The following SPATA31E1 variants were observed in gnomAD, a reference collection of about 807,000 sequenced individuals.
SPATA31E1 encodes spermatogenesis-associated protein 31E1.
In SPATA31E1, 7 loss-of-function variants were observed where a neutral mutation model predicts 12.9. The ratio of observed to expected loss-of-function variants is 0.54; its 90% CI spans 0.31 to 1.02. SPATA31E1 has a LOEUF of 1.02. SPATA31E1 is among the 50% of genes least tolerant of loss of function. The pLI is 0.05. For missense variants in SPATA31E1, 1,961 were observed against 1,799.8 expected, an observed-to-expected ratio of 1.09 and a Z score of -1.62; for synonymous variants, 771 against 719.0, an observed-to-expected ratio of 1.07 and a Z score of -1.16.
At position 87,884,982 on chromosome 9, in the gene SPATA31E1, G is replaced by A. The variant is rs748787461; in HGVS notation, c.495G>A (p.Val165=). The change falls in exon 4 of 4, where the codon GTG becomes GTA. Residue 165 remains valine, a synonymous_variant. Transcript: ENST00000325643. The part of the protein sequence containing the change: ...LPLGGDPLGD[V]CKPVPAKAHQ... ...TAGGTGGAGACCCCCTGGGGGACGT[G>A]TGTAAACCAGTGCCTGCTAAGGCCC... 37 of 1,613,962 alleles carry A rather than the reference G, an allele frequency of 2.3e-5. No individual in the cohort carries two copies. The South Asian group carries it at 3.6e-4, about 16-fold the overall frequency.
rs748505055 is a variant in SPATA31E1 at position 87,882,988 on chromosome 9, T to G, written c.97T>G (p.Cys33Gly). The G allele has an allele frequency of 4.4e-6, 7 of 1,608,548 alleles. No homozygotes were observed. The Admixed American group carries it at 1.2e-4, about 27-fold the overall frequency. ...PPPAPRPSVE[C>G]TGDDIALQME... ...CCCAGCTCCCAGACCATCTGTGGAG[T>G]GCACAGGAGACGACATTGCACTTCA... Residue 33 changes from cysteine (C) to glycine (G), a missense_variant, in exon 1 of 4, where the codon TGC (cysteine) becomes GGC (glycine). Transcript: ENST00000325643.
At position 87,887,228 on chromosome 9, in the gene SPATA31E1, C is replaced by G; in HGVS notation, c.2741C>G (p.Pro914Arg). The G allele has an allele frequency of 6.2e-7, 1 of 1,614,056 alleles. No homozygotes were observed. Among genetic ancestry groups the G allele is most frequent in the South Asian group, 1.1e-5 (1 of 91,076 alleles). Reference protein sequence around the residue: ...GDNRTTSKSVPTVSGPLAAPP... With the variant: ...GDNRTTSKSVRTVSGPLAAPP... ...AACAGAACAACAAGCAAGTCAGTCC[C>G]GACCGTGAGTGGCCCTCTCGCTGCC... The change falls in exon 4 of 4, where the codon CCG (proline) becomes CGG (arginine). Residue 914 changes from proline (P) to arginine (R), a missense_variant. Pro to Arg is a moderately radical substitution (Grantham distance 103). Transcript: ENST00000325643.
chr9:87,888,446 G>C lies in SPATA31E1; in HGVS notation c.3959G>C (p.Ser1320Thr). 6.2e-7 allele frequency: 1 copy of C among 1,614,198 alleles called. No homozygotes were observed. Among genetic ancestry groups the C allele is most frequent in the Non-Finnish European group, 8.5e-7 (1 of 1,180,036 alleles). Reference protein sequence around the residue: ...DCMADKAWTISRVVGQILVDK... With the variant: ...DCMADKAWTITRVVGQILVDK... ...ATGGCTGACAAAGCCTGGACCATCAGCAGAGTTGTGGGACAAATCCTGGTG... is the reference window on the plus strand; with the variant it reads ...ATGGCTGACAAAGCCTGGACCATCACCAGAGTTGTGGGACAAATCCTGGTG... Residue 1320 changes from serine (S) to threonine (T), a missense_variant, in exon 4 of 4, where the codon AGC becomes ACC. Transcript: ENST00000325643.
Position 87,885,869 on chromosome 9 carries a change from C to A in SPATA31E1, c.1382C>A (p.Pro461His). ...ACCACAGTCTGGGTTTCTAGGAACC[C>A]TTCCTCACAGAATGCACACTCTGTA... is the stretch of plus-strand genomic sequence containing the variant. ...LATTVWVSRNPSSQNAHSVPL... is the reference protein window; with the variant it reads ...LATTVWVSRNHSSQNAHSVPL... The change falls in exon 4 of 4, where the codon CCT (proline) becomes CAT (histidine). Residue 461 changes from proline (P) to histidine (H), a missense_variant. Physicochemically the swap from Pro to His is moderately conservative, Grantham distance 77 (BLOSUM62 -2). Coordinates refer to ENST00000325643, the MANE Select transcript of SPATA31E1 (RefSeq NM_178828.5). 6.2e-7 allele frequency: 1 copy of A among 1,614,006 alleles called. No individual in the cohort carries two copies. Among genetic ancestry groups the A allele is most frequent in the Non-Finnish European group, 8.5e-7 (1 of 1,180,032 alleles).
chr9:87,884,193 C>A (rs776577788), intron 2 of SPATA31E1, 147 bp downstream of exon 2: 10 of 1,094,216 alleles, frequency 9.1e-6, no homozygotes, highest in Non-Finnish European at 1.3e-5. Context: ...GGGAATGAAG[C>A]CACGGGCCTG....
Position 87,887,377 on chromosome 9 carries a change from T to C in SPATA31E1, c.2890T>C (p.Cys964Arg). The C allele has an allele frequency of 1.2e-6, 2 of 1,613,562 alleles. No homozygotes were observed. The highest frequency in any genetic ancestry group is 1.7e-4 in the Middle Eastern group (1 of 6,060). The change falls in exon 4 of 4, where the codon TGC becomes CGC. Residue 964 changes from cysteine to arginine, a missense_variant. Physicochemically the swap from Cys to Arg is radical, Grantham distance 180 (BLOSUM62 -3). Coordinates refer to ENST00000325643, the MANE Select transcript of SPATA31E1 (RefSeq NM_178828.5). ...CAGGGGGTGTTCTCAGCCCCCAACA[T>C]GCAGCCTTGTGGGCAGAACCTGGCA... ...KGRGCSQPPT[C>R]SLVGRTWQSR... is the part of the protein sequence containing the mutation.
chr9:87,885,218 C>G lies in SPATA31E1; in HGVS notation c.731C>G (p.Pro244Arg), dbSNP rs551469669. 2.5e-6 allele frequency: 4 copies of G among 1,614,132 alleles called. No individual in the cohort carries two copies. In the South Asian group the frequency reaches 4.4e-5, roughly 18 times the overall value. ...PATQPHVVFP[P>R]SPQPHGPLAS... Reference sequence around the variant, plus strand: ...ACCCAGCCACATGTGGTTTTTCCTCCTTCACCACAGCCGCATGGTCCCCTG... The same window carrying G: ...ACCCAGCCACATGTGGTTTTTCCTCGTTCACCACAGCCGCATGGTCCCCTG... Residue 244 changes from proline (P) to arginine (R), a missense_variant, in exon 4 of 4, where the codon CCT becomes CGT. Transcript: ENST00000325643.
chr9:87,886,590 G>A lies in SPATA31E1; in HGVS notation c.2103G>A (p.Arg701=). 1 of 1,614,088 alleles carries A rather than the reference G, an allele frequency of 6.2e-7. No individual in the cohort carries two copies. Among genetic ancestry groups the A allele is most frequent in the Non-Finnish European group, 8.5e-7 (1 of 1,180,032 alleles). Residue 701 remains arginine (R), a synonymous_variant, in exon 4 of 4, where the codon AGG becomes AGA. Coordinates refer to ENST00000325643, the MANE Select transcript of SPATA31E1 (RefSeq NM_178828.5). ...AGACCGGGTTCAGGAGCTCCGGAAG[G>A]TTCTCTGACAAGGGGTGCTTAGGGT... ...VQKTGFRSSG[R]FSDKGCLGSK...
chr9:87,885,187 C>T lies in SPATA31E1; in HGVS notation c.700C>T (p.Pro234Ser), dbSNP rs56976253. 1.3e-3 allele frequency: 2,120 copies of T among 1,614,134 alleles called. 24 individuals carry two copies. The African/African-American group carries it at 0.025, about 19-fold the overall frequency. The stretch of plus-strand genomic sequence containing the variant: ...AGAGCCCTTGCTTCCCCTAAAATGC[C>T]CTGCAACCCAGCCACATGTGGTTTT... ...PPEPLLPLKCPATQPHVVFPP... is the reference protein window; with the variant it reads ...PPEPLLPLKCSATQPHVVFPP... Residue 234 changes from proline (P) to serine (S), a missense_variant, in exon 4 of 4, where the codon CCT (proline) becomes TCT (serine). Physicochemically the swap from Pro to Ser is moderately conservative, Grantham distance 74. Transcript: ENST00000325643.
rs763697422 is a variant in SPATA31E1, at chr9:87,885,429, C to T, written c.942C>T (p.Thr314=). The change falls in exon 4 of 4, where the codon ACC becomes ACT. Residue 314 remains threonine (T), a synonymous_variant. Coordinates refer to ENST00000325643, the MANE Select transcript of SPATA31E1 (RefSeq NM_178828.5). ...WDLYCWREAA[T]TWGLSTYSHG... ...TCTATTGCTGGAGGGAGGCTGCCAC[C>T]ACCTGGGGCCTCTCCACCTACTCAC... 15 of 1,613,986 alleles carry T rather than the reference C, an allele frequency of 9.3e-6. No homozygotes were observed. The East Asian group carries it at 2.7e-4, about 29-fold the overall frequency.
In SPATA31E1 at chr9:87,885,888, C is replaced by T. The variant is rs1163798433; in HGVS notation, c.1401C>T (p.His467=). The part of the protein sequence containing the change: ...VSRNPSSQNA[H]SVPLDKASTS... ...GGAACCCTTCCTCACAGAATGCACA[C>T]TCTGTACCACTGGATAAAGCCTCCA... Residue 467 remains histidine (H), a synonymous_variant, in exon 4 of 4, where the codon CAC becomes CAT. Transcript: ENST00000325643. The T allele has an allele frequency of 1.9e-6, 3 of 1,613,908 alleles. No homozygotes were observed.
Position 87,887,982 on chromosome 9 carries a change from G to A in SPATA31E1, c.3495G>A (p.Gln1165=), listed in dbSNP as rs746607384. The part of the protein sequence containing the change: ...SVSGKNMTAS[Q]GPCALLWKGG... The stretch of plus-strand genomic sequence containing the variant: ...CTGGTAAGAACATGACAGCTTCCCA[G>A]GGGCCATGTGCCCTCCTATGGAAGG... The change falls in exon 4 of 4, where the codon CAG becomes CAA. Residue 1165 remains glutamine (Q), a synonymous_variant. Transcript: ENST00000325643. The A allele has an allele frequency of 2.1e-5, 34 of 1,613,662 alleles. No homozygotes were observed. The highest frequency in any genetic ancestry group is 2.9e-5 in the Non-Finnish European group (34 of 1,180,018).
rs1051714203 is a variant in SPATA31E1 at position 87,888,440 on chromosome 9, C to T, written c.3953C>T (p.Thr1318Ile). Residue 1318 changes from threonine to isoleucine, a missense_variant, in exon 4 of 4, where the codon ACC becomes ATC. By Grantham distance (89) the Thr-to-Ile change is moderately conservative (BLOSUM62 -1). Transcript: ENST00000325643. ...FMDCMADKAW[T>I]ISRVVGQILV... ...GACTGCATGGCTGACAAAGCCTGGA[C>T]CATCAGCAGAGTTGTGGGACAAATC... 3 of 1,613,834 alleles carry T rather than the reference C, an allele frequency of 1.9e-6. No homozygotes were observed. The highest frequency in any genetic ancestry group is 2.2e-5 in the South Asian group (2 of 91,082).
intron 3 of SPATA31E1, 66 bp downstream of exon 3, chr9:87,884,717 C>G (rs867108496): frequency 1.3e-6 from 2 of 1,595,692 alleles, no homozygotes; most frequent in African/African-American, 1.3e-5. Flanking sequence ...AACCCTACGG[C>G]CTGGTGGTGA....
chr9:87,884,538 T>G, intron 2 of SPATA31E1, 53 bp from the exon 3 acceptor site: 59 of 1,597,322 alleles, frequency 3.7e-5, no homozygotes, highest in Non-Finnish European at 4.9e-5. Flanking sequence ...TCAGCCTCCA[T>G]GAGGTTCCCA....
At chr9:87,883,933 G>A (rs1272717331) in intron 1 of SPATA31E1, 59 bp from the exon 2 acceptor site, 8 of 1,554,532 alleles carry the variant, frequency 5.1e-6, no homozygotes, top group Non-Finnish European at 1.7e-6. Flanking sequence ...GTGTGCAGCT[G>A]GTCTGGGGAG....
chr9:87,886,923 G>A lies in SPATA31E1; in HGVS notation c.2436G>A (p.Arg812=), dbSNP rs764632656. ...HRKPGKLASW[R]GGKAHVNTSQ... is the part of the protein sequence containing the mutation. ...AACCTGGGAAGCTGGCATCCTGGAG[G>A]GGTGGGAAAGCCCACGTGAACACCT... The change falls in exon 4 of 4, where the codon AGG becomes AGA. Residue 812 remains arginine (R), a synonymous_variant. Transcript: ENST00000325643. 1.6e-5 allele frequency: 26 copies of A among 1,614,118 alleles called. 1 individual carries two copies. In the Middle Eastern group the frequency reaches 3.0e-3, roughly 184 times the overall value.
chr9:87,883,250 C>T (rs1232942669), intron 1 of SPATA31E1, 50 bp downstream of exon 1: 1 of 1,523,612 alleles, frequency 6.6e-7, no homozygotes, highest in African/African-American at 1.4e-5. Context: ...CTCTTCTTTT[C>T]CTCCCCTCAT....
chr9:87,888,619 A>T lies in SPATA31E1; in HGVS notation c.4132A>T (p.Ser1378Cys). ...CAGAGAGATGAGAGCTCTGGCCTGCAGCCCTAAAGCCACCCCCAAGGGCCA... is the reference window on the plus strand; with the variant it reads ...CAGAGAGATGAGAGCTCTGGCCTGCTGCCCTAAAGCCACCCCCAAGGGCCA... ...RSREMRALAC[S>C]PKATPKGHHC... Residue 1378 changes from serine to cysteine, a missense_variant, in exon 4 of 4, where the codon AGC (serine) becomes TGC (cysteine). Transcript: ENST00000325643. 1 of 1,614,076 alleles carries T rather than the reference A, an allele frequency of 6.2e-7. No individual in the cohort carries two copies. The highest frequency in any genetic ancestry group is 8.5e-7 in the Non-Finnish European group (1 of 1,180,024).
Sources: allele counts gnomAD v4.1 joint callset, GRCh38; gene constraint gnomAD v4.1.1; transcripts MANE v1.5; gene names NCBI Gene and HGNC (gene_info 2026-07-23, HGNC 2026-07-21).